Variants in PDE7B observed in about 807,000 individuals in gnomAD.
PDE7B encodes the protein 3',5'-cyclic-AMP phosphodiesterase 7B.
Under a neutral mutation model 56.2 loss-of-function variants are expected in PDE7B, and 29 were observed. The ratio of observed to expected loss-of-function variants is 0.52; its 90% CI spans 0.38 to 0.70. PDE7B has a LOEUF of 0.70. Among genes scored for constraint, PDE7B ranks in the 30% least tolerant of loss-of-function variants. The pLI is 0.00. For synonymous variants in PDE7B, 197 were observed against 196.9 expected, an observed-to-expected ratio of 1.00 and a Z score of 0.00; for missense variants, 490 against 565.0, an observed-to-expected ratio of 0.87 and a Z score of 1.35.
intron 11 of PDE7B, 152 bp downstream of exon 11, chr6:136,181,475 A>G (rs1346870824): frequency 6.8e-6 from 4 of 592,556 alleles, no homozygotes; most frequent in Non-Finnish European, 1.2e-5. Flanking sequence ...CTTGGAACTC[A>G]TCCAACCCTT....
At position 136,170,756 on chromosome 6, in the gene PDE7B, T is replaced by C. The variant is rs73555066; in HGVS notation, c.712-3041T>C. Among the ~76,000 whole-genome samples the C allele has an allele frequency of 4.6e-3, 702 of 152,280 alleles. 4 individuals are homozygous for C. Among genetic ancestry groups the C allele is most frequent in the African/African-American group, 0.016 (681 of 41,568 alleles). ...CTGTACGGAGTCCTGAGGCATCTCATGGCATCAGAGAGGGGGCTGAGCATG... is the reference window on the plus strand; with the variant it reads ...CTGTACGGAGTCCTGAGGCATCTCACGGCATCAGAGAGGGGGCTGAGCATG... On this transcript the variant is annotated intron_variant, in intron 8 of 12. Coordinates refer to ENST00000308191, the MANE Select transcript of PDE7B (RefSeq NM_018945.4).
chr6:136,157,264 G>A (rs745643802), intron 8 of PDE7B, among the ~76,000 whole-genome samples: 1 of 152,116 alleles, frequency 6.6e-6, no homozygotes, highest in African/African-American at 2.4e-5. Context: ...TCCTATTGTA[G>A]TAAGGCAGAC....
chr6:135,992,220 A>T (rs1311247704), intron 2 of PDE7B, among the ~76,000 whole-genome samples: 2 of 152,172 alleles, frequency 1.3e-5, no homozygotes, highest in Non-Finnish European at 2.9e-5. Flanking sequence ...TAAAAAAAAA[A>T]AAAAAATCGC....
chr6:135,935,474 A>T (rs1252033360), intron 1 of PDE7B, among the ~76,000 whole-genome samples: 3 of 151,868 alleles, frequency 2.0e-5, no homozygotes, highest in African/African-American at 7.3e-5. Flanking sequence ...TTTTAATTGC[A>T]GTAATAAATG....
rs149839445 is a variant in PDE7B at position 136,031,158 on chromosome 6, T to A, written c.83-77573T>A. On this transcript the variant is annotated intron_variant, in intron 2 of 12. Transcript: ENST00000308191. Reference sequence around the variant, plus strand: ...TATCTGGAAAGACTGGGATGGTTGCTGCATTTTCTTTCATAAATAACTAAT... The same window carrying A: ...TATCTGGAAAGACTGGGATGGTTGCAGCATTTTCTTTCATAAATAACTAAT... Among the ~76,000 whole-genome samples, 18 of 152,362 alleles carry A rather than the reference T, an allele frequency of 1.2e-4. No homozygotes were observed. In the East Asian group the frequency reaches 1.5e-3, roughly 13 times the overall value.
At chr6:135,859,102 A>G (rs1012537841) in intron 1 of PDE7B, among the ~76,000 whole-genome samples, 4 of 151,794 alleles carry the variant, frequency 2.6e-5, no homozygotes, top group African/African-American at 9.7e-5. Flanking sequence ...TCATTATGCC[A>G]CTTGCCAGCT....
chr6:135,931,231 T>A (rs1326278086), intron 1 of PDE7B, among the ~76,000 whole-genome samples: 3 of 152,192 alleles, frequency 2.0e-5, no homozygotes, highest in Non-Finnish European at 2.9e-5. Flanking sequence ...TTTTAAACCT[T>A]TACATGAATC....
At chr6:136,069,317 G>C (rs909327929) in intron 2 of PDE7B, among the ~76,000 whole-genome samples, 1 of 152,220 alleles carries the variant, frequency 6.6e-6, no homozygotes, top group Non-Finnish European at 1.5e-5. Context: ...AGCATGCAGT[G>C]AATCATCTTT....
At chr6:136,066,228 A>G (rs908280484) in intron 2 of PDE7B, among the ~76,000 whole-genome samples, 2 of 152,310 alleles carry the variant, frequency 1.3e-5, no homozygotes, top group Non-Finnish European at 2.9e-5. Flanking sequence ...ATGCTGGGAA[A>G]TGTGACTGAC....
intron 1 of PDE7B, among the ~76,000 whole-genome samples, chr6:135,906,571 A>G (rs1776108951): frequency 6.6e-6 from 1 of 152,186 alleles, no homozygotes; most frequent in African/African-American, 2.4e-5. Context: ...ATTATACCAT[A>G]TAAGAGGAAG....
intron 8 of PDE7B, among the ~76,000 whole-genome samples, chr6:136,170,901 G>T (rs1030255280): frequency 2.6e-5 from 4 of 151,990 alleles, no homozygotes; most frequent in Non-Finnish European, 1.5e-5. Flanking sequence ...CCTCTTAAAG[G>T]CCCCACCTCT....
At chr6:136,158,373 T>A (rs1778646877) in intron 8 of PDE7B, among the ~76,000 whole-genome samples, 1 of 152,220 alleles carries the variant, frequency 6.6e-6, no homozygotes, top group Non-Finnish European at 1.5e-5. Context: ...CGCACAAAAA[T>A]TATGCATGCG....
rs184370409 is a variant in PDE7B at position 136,173,925 on chromosome 6, G to A, written c.803+37G>A. 7.7e-6 allele frequency: 11 copies of A among 1,436,262 alleles called. No homozygotes were observed. The Admixed American group carries it at 1.7e-4, about 22-fold the overall frequency. 89.0% of individuals were successfully genotyped at this position (1,436,262 alleles called of 1,614,324 possible). On this transcript the variant is annotated intron_variant, in intron 9 of 12. Coordinates refer to ENST00000308191, the MANE Select transcript of PDE7B (RefSeq NM_018945.4). ...CGAGATGAAACATACTGATGTGCAT[G>A]CAGTAAAGATAAGCCACTTTCTCTA...
intron 1 of PDE7B, among the ~76,000 whole-genome samples, chr6:135,916,120 TCAC>T (rs903877819): frequency 2.4e-4 from 36 of 152,312 alleles, no homozygotes; most frequent in Non-Finnish European, 4.7e-4. Flanking sequence ...TTATAAAAGG[TCAC>T]CAAGCTGTTT....
intron 3 of PDE7B, among the ~76,000 whole-genome samples, chr6:136,126,433 C>T (rs567114072): frequency 6.6e-6 from 1 of 151,730 alleles, no homozygotes; most frequent in African/African-American, 2.4e-5. Flanking sequence ...ACCATTTGAT[C>T]CAGCAATCCC....
chr6:136,155,565 A>G, intron 7 of PDE7B, 62 bp from the exon 8 acceptor site: 1 of 1,454,402 alleles, frequency 6.9e-7, no homozygotes, highest in Non-Finnish European at 9.4e-7. Context: ...ATTTAGCCAA[A>G]ATGATTATGA....
chr6:136,128,430 G>A (rs1463843110), intron 3 of PDE7B, among the ~76,000 whole-genome samples: 1 of 152,026 alleles, frequency 6.6e-6, no homozygotes, highest in Non-Finnish European at 1.5e-5. Flanking sequence ...TTGAATGCCT[G>A]TTCTTCTACT....
intron 1 of PDE7B, among the ~76,000 whole-genome samples, chr6:135,861,610 A>G (rs1252119253): frequency 6.6e-6 from 1 of 151,108 alleles, no homozygotes; most frequent in Non-Finnish European, 1.5e-5. Context: ...TATTCTTCTC[A>G]AGATTGTTTT....
At chr6:136,179,185 A>G in intron 10 of PDE7B, 44 bp downstream of exon 10, 1 of 1,592,682 alleles carries the variant, frequency 6.3e-7, no homozygotes, top group Non-Finnish European at 8.6e-7. Flanking sequence ...GAGTGAAAAC[A>G]CTCAGCTGGG....
Sources: gnomAD v4.1 joint callset for allele counts (sites outside exome capture counted in the v4.1 genomes callset) on GRCh38, gnomAD v4.1.1 for gene constraint, MANE v1.5 for transcripts, NCBI Gene and HGNC (gene_info 2026-07-23, HGNC 2026-07-21) for gene names.